Variants in NUP58 observed in about 807,000 individuals in gnomAD.
NUP58 encodes the protein nucleoporin 58.
In NUP58, 17 loss-of-function variants were observed where a neutral mutation model predicts 70.1. That is an observed-to-expected ratio of 0.24 (90% CI 0.17 to 0.36). The LOEUF (loss-of-function observed/expected upper bound fraction) is 0.36. Among genes scored for constraint, NUP58 ranks in the 10% least tolerant of loss-of-function variants. NUP58 has a pLI of 1.00. For missense variants in NUP58, 644 were observed against 701.5 expected (o/e 0.92, Z 0.93); for synonymous variants, 275 against 257.6 (o/e 1.07, Z -0.65).
chr13:25,306,536 C>G (rs2030371770), intron 1 of NUP58, among the ~76,000 whole-genome samples: 1 of 152,118 alleles, frequency 6.6e-6, no homozygotes, highest in Non-Finnish European at 1.5e-5. Context: ...CCCAGCCACA[C>G]TACTGCTGCC....
chr13:25,315,608 G>T, intron 6 of NUP58, 141 bp downstream of exon 6: 1 of 593,766 alleles, frequency 1.7e-6, no homozygotes, highest in Non-Finnish European at 3.0e-6. Context: ...ATACGAATAT[G>T]TATTTTTTAA....
At position 25,308,864 on chromosome 13, in the gene NUP58, A is replaced by G. The variant is rs144858072; in HGVS notation, c.251-383A>G. Among the ~76,000 whole-genome samples, 1,035 of 152,334 alleles carry G rather than the reference A, an allele frequency of 6.8e-3. 11 individuals are homozygous for G. The highest frequency in any genetic ancestry group is 0.024 in the African/African-American group (997 of 41,566). On this transcript the variant is annotated intron_variant, in intron 2 of 15. Coordinates refer to ENST00000381736, the MANE Select transcript of NUP58 (RefSeq NM_014089.4). ...GCGTTGATCTTCCAGCTTTGAGTGC[A>G]GCACATTTCACAGCCACATCTAGAA...
chr13:25,330,778 T>C (rs1380746311), intron 12 of NUP58, among the ~76,000 whole-genome samples: 1 of 152,124 alleles, frequency 6.6e-6, no homozygotes, highest in Admixed American at 6.6e-5. Context: ...CAAGTCTCAT[T>C]GTACAATGGT....
chr13:25,325,995 C>T (rs1286744492), intron 10 of NUP58, among the ~76,000 whole-genome samples: 2 of 152,032 alleles, frequency 1.3e-5, no homozygotes, highest in African/African-American at 4.8e-5. Flanking sequence ...ATTTTTGTTC[C>T]TCACATTCTA....
intron 7 of NUP58, among the ~76,000 whole-genome samples, chr13:25,319,633 T>C (rs1181081024): frequency 6.6e-6 from 1 of 152,130 alleles, no homozygotes; most frequent in Non-Finnish European, 1.5e-5. Context: ...TTTATTTCTT[T>C]AGTCTGTTAA....
intron 5 of NUP58, among the ~76,000 whole-genome samples, chr13:25,314,368 G>C (rs1394003606): frequency 6.6e-6 from 1 of 152,032 alleles, no homozygotes; most frequent in African/African-American, 2.4e-5. Context: ...AACAAAAATT[G>C]TATTAGCTCA....
rs781473249 is a variant in NUP58 at position 25,336,244 on chromosome 13, G to T, written c.1436-692G>T. Reference sequence around the variant, plus strand: ...AGTGGTGTAATGTAGCAGAGCTTAAGAATAGAACTCAATTATCACTTTTTG... The same window carrying T: ...AGTGGTGTAATGTAGCAGAGCTTAATAATAGAACTCAATTATCACTTTTTG... On this transcript the variant is annotated intron_variant, in intron 13 of 15. Coordinates refer to ENST00000381736, the MANE Select transcript of NUP58 (RefSeq NM_014089.4). 6 of 1,366,950 alleles carry T rather than the reference G, an allele frequency of 4.4e-6. No homozygotes were observed. In the South Asian group the frequency reaches 5.7e-5, roughly 13 times the overall value. The allele number at this position is 1,366,950 out of a possible 1,614,324, so 84.7% of individuals were successfully genotyped here.
chr13:25,312,095 G>A (rs535344250), intron 3 of NUP58, among the ~76,000 whole-genome samples: 1 of 152,250 alleles, frequency 6.6e-6, no homozygotes, highest in African/African-American at 2.4e-5. Context: ...AAGTAAGGAG[G>A]TAGGAATGGA....
intron 1 of NUP58, among the ~76,000 whole-genome samples, chr13:25,306,299 G>A (rs555200248): frequency 1.3e-5 from 2 of 151,596 alleles, no homozygotes; most frequent in Admixed American, 6.6e-5. Context: ...GAGCTACTCC[G>A]GAGGCTGAGG....
intron 9 of NUP58, among the ~76,000 whole-genome samples, chr13:25,321,947 T>A (rs2031204705): frequency 6.6e-6 from 1 of 152,106 alleles, no homozygotes; most frequent in African/African-American, 2.4e-5. Flanking sequence ...TAAATAGTAA[T>A]GTGGCTAATG....
At position 25,313,091 on chromosome 13, in the gene NUP58, G is replaced by A. The variant is rs1357160309; in HGVS notation, c.436+59G>A. 5.2e-6 allele frequency: 8 copies of A among 1,549,062 alleles called. No homozygotes were observed. In the Admixed American group the frequency reaches 5.6e-5, roughly 11 times the overall value. ...GTTAAATTTCAATTTTATCTGGTTA[G>A]AGAACATAGATAGTCACCTTACTAC... On this transcript the variant is annotated intron_variant, in intron 4 of 15. Transcript: ENST00000381736.
downstream of NUP58, among the ~76,000 whole-genome samples, chr13:25,347,239 C>T (rs1482086180): frequency 6.6e-6 from 1 of 152,110 alleles, no homozygotes; most frequent in Non-Finnish European, 1.5e-5. Context: ...GATTCTCAAC[C>T]TGTATTTGCA....
chr13:25,328,155 C>T (rs1221362205), intron 12 of NUP58, among the ~76,000 whole-genome samples: 1 of 151,700 alleles, frequency 6.6e-6, no homozygotes, highest in Non-Finnish European at 1.5e-5. Flanking sequence ...GCCGAGATCA[C>T]ACCACTGCAC....
chr13:25,333,432 C>T, intron 13 of NUP58: 2 of 985,336 alleles, frequency 2.0e-6, no homozygotes, highest in Non-Finnish European at 2.4e-6. Context: ...TTCACTCTTC[C>T]CTGAAACTTT....
In NUP58 at chr13:25,320,602, G is replaced by C; in HGVS notation, c.776+7G>C. 6.3e-7 allele frequency: 1 copy of C among 1,576,138 alleles called. No individual in the cohort carries two copies. Among genetic ancestry groups the C allele is most frequent in the Non-Finnish European group, 8.7e-7 (1 of 1,147,406 alleles). The stretch of plus-strand genomic sequence containing the variant: ...AGGATGTTGAAAATCTCCAGTAAGT[G>C]TCAAATATAATTAGATAAATAACAC... On this transcript the variant is annotated splice_region_variant and intron_variant, in intron 8 of 15. Transcript: ENST00000381736.
At position 25,331,357 on chromosome 13, in the gene NUP58, G is replaced by A. The variant is rs141902069; in HGVS notation, c.1234G>A (p.Val412Ile). 38 of 1,613,420 alleles carry A rather than the reference G, an allele frequency of 2.4e-5. No individual in the cohort carries two copies. The African/African-American group carries it at 4.5e-4, about 19-fold the overall frequency. Residue 412 changes from valine to isoleucine, a missense_variant and splice_region_variant, in exon 13 of 16, where the codon GTT becomes ATT. Val to Ile is a conservative substitution (Grantham distance 29). This residue lies in a region of NUP58 where 78 missense variants were observed against 71.3 expected (regional missense o/e 1.09). Transcript: ENST00000381736. ...GCCGTTTTGTTTATTATTCTTTTAG[G>A]TTCTGAAAGAACAGTACCTTGGCTA... ...QLQSIHENVK[V>I]LKEQYLGYRK...
chr13:25,331,495 A>G lies in NUP58; in HGVS notation c.1372A>G (p.Met458Val). The G allele has an allele frequency of 1.2e-6, 2 of 1,614,182 alleles. No individual in the cohort carries two copies. The highest frequency in any genetic ancestry group is 1.7e-6 in the Non-Finnish European group (2 of 1,180,032). The change falls in exon 13 of 16, where the codon ATG becomes GTG. Residue 458 changes from methionine to valine, a missense_variant. Around this residue, in one of 4 missense-constraint regions of NUP58, gnomAD observed 132 missense variants for 203.9 expected, o/e 0.65. Coordinates refer to ENST00000381736, the MANE Select transcript of NUP58 (RefSeq NM_014089.4). ...VTTGPTPFST[M>V]PNAAAVAMAA... ...TACTGGACCCACTCCTTTCAGCACC[A>G]TGCCAAACGCAGCAGCCGTTGCCAT...
chr13:25,348,087 A>T (rs2032070684), intron 3 of NUP58, among the ~76,000 whole-genome samples: 1 of 152,220 alleles, frequency 6.6e-6, no homozygotes, highest in African/African-American at 2.4e-5. Context: ...ACCACTGGCC[A>T]TGTGTGGTGG....
rs141990277 is a variant in NUP58 at position 25,335,506 on chromosome 13, A to G, written c.1436-1430A>G. The G allele has an allele frequency of 1.5e-4, 149 of 985,158 alleles. 3 individuals carry two copies. In the East Asian group the frequency reaches 0.014, roughly 94 times the overall value. 61.0% of individuals were successfully genotyped at this position (985,158 alleles called of 1,614,324 possible). A position where few individuals can be genotyped will look rare whatever the true frequency, so the allele number is the denominator to read the frequency against. On this transcript the variant is annotated intron_variant, in intron 13 of 15. Coordinates refer to ENST00000381736, the MANE Select transcript of NUP58 (RefSeq NM_014089.4). Reference sequence around the variant, plus strand: ...ATAATATGCTTGGTTTCTTTTTCCTATAGTAACATTTTACAAAAGAGCTGC... The same window carrying G: ...ATAATATGCTTGGTTTCTTTTTCCTGTAGTAACATTTTACAAAAGAGCTGC...
Sources: allele counts gnomAD v4.1 joint callset (sites outside exome capture counted in the v4.1 genomes callset), GRCh38; gene constraint gnomAD v4.1.1; regional missense constraint gnomAD v4.1.1; transcripts MANE v1.5; gene names NCBI Gene and HGNC (gene_info 2026-07-23, HGNC 2026-07-21).